KCNH1: variants seen among roughly 807,000 people sequenced by gnomAD.
KCNH1 encodes the protein voltage-gated delayed rectifier potassium channel KCNH1.
A neutral mutation model predicts 69.2 loss-of-function variants in KCNH1; 27 were observed. The observed-to-expected ratio is 0.39, with a 90% confidence interval of 0.29 to 0.54. The LOEUF is 0.54. Ranked by LOEUF, KCNH1 falls within the 20% of genes least tolerant of loss-of-function variation. KCNH1 has a pLI of 0.68. For missense variants in KCNH1, 798 were observed against 1,261.6 expected (o/e 0.63, Z 5.57); for synonymous variants, 456 against 487.7 (o/e 0.93, Z 0.86).
chr1:210,912,949 T>C (rs1687262463), intron 7 of KCNH1, among the ~76,000 whole-genome samples: 1 of 152,190 alleles, frequency 6.6e-6, no homozygotes, highest in South Asian at 2.1e-4. Context: ...GTCACAAGAA[T>C]GTTCACAGAG....
rs933593541 is a variant in KCNH1 at position 211,133,978 on chromosome 1, T to C, written c.-33A>G. On this transcript the variant is annotated 5_prime_UTR_variant, in exon 1 of 11. Coordinates refer to ENST00000271751, the MANE Select transcript of KCNH1 (RefSeq NM_172362.3). The surrounding 1 kb of genome is among the most constrained non-coding windows in gnomAD (Gnocchi z 5.4). ...GCAGCTCGGGGTCCGGCGGGCGTCCTGGCGCGGCTTCTTACGACAGCAGGA... is the reference window on the plus strand; with the variant it reads ...GCAGCTCGGGGTCCGGCGGGCGTCCCGGCGCGGCTTCTTACGACAGCAGGA... 1.3e-6 allele frequency: 2 copies of C among 1,589,282 alleles called. No individual in the cohort carries two copies. Among genetic ancestry groups the C allele is most frequent in the South Asian group, 1.1e-5 (1 of 89,740 alleles).
At chr1:210,785,084 T>A (rs930788927) in intron 9 of KCNH1, among the ~76,000 whole-genome samples, 1 of 152,114 alleles carries the variant, frequency 6.6e-6, no homozygotes, top group Admixed American at 6.5e-5. Context: ...ATGCTTACAA[T>A]ATAAGGAGAC....
chr1:210,781,146 A>T (rs1683974113), intron 9 of KCNH1, among the ~76,000 whole-genome samples: 1 of 152,196 alleles, frequency 6.6e-6, no homozygotes, highest in Non-Finnish European at 1.5e-5. Context: ...AATGAGAGTT[A>T]TATTTTGTAA....
chr1:210,769,610 G>C (rs953920396), intron 10 of KCNH1, among the ~76,000 whole-genome samples: 2 of 152,148 alleles, frequency 1.3e-5, no homozygotes, highest in African/African-American at 2.4e-5. Context: ...CACAGAATGA[G>C]AACCGCCCTC....
chr1:211,114,724 C>T (rs140686527), intron 1 of KCNH1, among the ~76,000 whole-genome samples: 5 of 152,216 alleles, frequency 3.3e-5, no homozygotes, highest in South Asian at 2.1e-4. Context: ...CACAGATGGG[C>T]GTTCTACATC....
intron 4 of KCNH1, among the ~76,000 whole-genome samples, chr1:211,085,233 G>T (rs71638198): frequency 0.22 from 32,832 of 152,070 alleles, 3,712 homozygotes; most frequent in African/African-American, 0.23. Context: ...TGAATGGCTG[G>T]ATAAAGGGCC....
chr1:210,914,685 T>A (rs1015991125), intron 7 of KCNH1, among the ~76,000 whole-genome samples: 2 of 151,978 alleles, frequency 1.3e-5, no homozygotes, highest in African/African-American at 4.8e-5. Context: ...CAGGATGGTA[T>A]CTGGCCCAGC....
At chr1:210,846,090 A>G (rs906504386) in intron 7 of KCNH1, among the ~76,000 whole-genome samples, 3 of 152,260 alleles carry the variant, frequency 2.0e-5, no homozygotes, top group Non-Finnish European at 4.4e-5. Flanking sequence ...GGACACAAAC[A>G]AATGGAAGAA....
At chr1:210,931,272 C>T (rs116037783) in intron 6 of KCNH1, among the ~76,000 whole-genome samples, 1,692 of 152,176 alleles carry the variant, frequency 0.011, 16 homozygotes, top group Non-Finnish European at 0.016. Context: ...CCCAAATGTG[C>T]GTCAATCAAC....
chr1:210,926,658 C>A (rs542428343), intron 6 of KCNH1, among the ~76,000 whole-genome samples: 1 of 152,200 alleles, frequency 6.6e-6, no homozygotes, highest in South Asian at 2.1e-4. Context: ...AAACAAGCTT[C>A]TTTAACCCCC....
At chr1:210,887,890 AG>A (rs1205086566) in intron 7 of KCNH1, among the ~76,000 whole-genome samples, 2 of 152,204 alleles carry the variant, frequency 1.3e-5, no homozygotes, top group Admixed American at 6.5e-5. Context: ...CACTCAACAC[AG>A]GAGCACCAAG....
intron 5 of KCNH1, among the ~76,000 whole-genome samples, chr1:211,082,495 A>C (rs1394277059): frequency 1.3e-5 from 2 of 152,198 alleles, no homozygotes; most frequent in African/African-American, 4.8e-5. Context: ...CTTCATGTAC[A>C]TGAAGCACTT....
chr1:210,946,004 T>C (rs1012158905), intron 6 of KCNH1, among the ~76,000 whole-genome samples: 1 of 152,214 alleles, frequency 6.6e-6, no homozygotes, highest in Non-Finnish European at 1.5e-5. Flanking sequence ...AACTACTGTG[T>C]CCTCAGCACC....
At chr1:210,851,083 C>G (rs1235934335) in intron 7 of KCNH1, among the ~76,000 whole-genome samples, 1 of 152,230 alleles carries the variant, frequency 6.6e-6, no homozygotes, top group African/African-American at 2.4e-5. Context: ...CATGTGCTGT[C>G]TGCTCTGGGA....
intron 10 of KCNH1, among the ~76,000 whole-genome samples, chr1:210,723,947 A>G (rs115812258): frequency 2.7e-3 from 406 of 152,324 alleles, no homozygotes; most frequent in Non-Finnish European, 4.6e-3. Flanking sequence ...TCACTGAGGT[A>G]TCTATAGCTT....
At chr1:210,733,197 T>C (rs141047126) in intron 10 of KCNH1, among the ~76,000 whole-genome samples, 2,196 of 152,272 alleles carry the variant, frequency 0.014, 57 homozygotes, top group African/African-American at 0.049. Context: ...AGAATATACT[T>C]CTCAGAAAGC....
At chr1:210,820,783 A>T (rs1034931320) in intron 7 of KCNH1, among the ~76,000 whole-genome samples, 7 of 152,082 alleles carry the variant, frequency 4.6e-5, no homozygotes, top group African/African-American at 1.7e-4. Flanking sequence ...GAAGTAGGAG[A>T]TATGATGACT....
At chr1:210,776,793 T>C (rs980643592) in intron 9 of KCNH1, among the ~76,000 whole-genome samples, 5 of 152,174 alleles carry the variant, frequency 3.3e-5, no homozygotes, top group Non-Finnish European at 7.3e-5. Flanking sequence ...GGGTCAAAGC[T>C]TTATCAAATC....
intron 10 of KCNH1, among the ~76,000 whole-genome samples, chr1:210,738,022 G>A (rs533364362): frequency 3.5e-4 from 53 of 152,290 alleles, no homozygotes; most frequent in African/African-American, 1.3e-3. Flanking sequence ...GCATTGGCCT[G>A]TAATATGTAT....
Sources: gnomAD v4.1 joint callset for allele counts (sites outside exome capture counted in the v4.1 genomes callset) on GRCh38, gnomAD v4.1.1 for gene constraint, Gnocchi (gnomAD v3.1) non-coding constraint, MANE v1.5 for transcripts, NCBI Gene and HGNC (gene_info 2026-07-23, HGNC 2026-07-21) for gene names.